ARHGAP24: variants seen among roughly 807,000 people sequenced by gnomAD.
ARHGAP24 encodes Rho GTPase activating protein 24.
ARHGAP24 carries 50 observed loss-of-function variants against 76.4 expected under a neutral mutation model. The ratio of observed to expected loss-of-function variants is 0.65; its 90% confidence interval spans 0.52 to 0.83. The LOEUF is 0.83. ARHGAP24 is among the 40% of genes least tolerant of loss of function. The pLI, the probability that ARHGAP24 is intolerant of heterozygous loss-of-function variation, is 0.00. For missense variants in ARHGAP24, 930 were observed against 914.2 expected (o/e 1.02, Z -0.22); for synonymous variants, 345 against 323.3 (o/e 1.07, Z -0.72).
chr4:85,837,397 G>A (rs180838320), intron 3 of ARHGAP24, among the ~76,000 whole-genome samples: 15 of 152,234 alleles, frequency 9.9e-5, no homozygotes, highest in Admixed American at 9.2e-4. Flanking sequence ...TGAAAATGTC[G>A]TGAACTCTTG....
chr4:85,997,043 C>T (rs1039809116), intron 9 of ARHGAP24, among the ~76,000 whole-genome samples: 1 of 152,128 alleles, frequency 6.6e-6, no homozygotes, highest in Non-Finnish European at 1.5e-5. Flanking sequence ...TAGAGGTCAT[C>T]TTAATGGGCC....
chr4:85,597,435 C>T (rs993040141), intron 2 of ARHGAP24, among the ~76,000 whole-genome samples: 26 of 151,832 alleles, frequency 1.7e-4, no homozygotes, highest in African/African-American at 5.3e-4. Flanking sequence ...CCTAGAGGGA[C>T]GGATGGGGAA....
At chr4:85,900,779 A>G (rs1734449335) in intron 3 of ARHGAP24, among the ~76,000 whole-genome samples, 2 of 152,304 alleles carry the variant, frequency 1.3e-5, no homozygotes, top group South Asian at 2.1e-4. Flanking sequence ...GAAATCAGAA[A>G]TGTTGAAACT....
chr4:85,577,024 G>A (rs963697653), intron 2 of ARHGAP24, among the ~76,000 whole-genome samples: 1 of 151,662 alleles, frequency 6.6e-6, no homozygotes, highest in Middle Eastern at 3.4e-3. Flanking sequence ...ATTTTGGAAA[G>A]CAATGATACA....
intron 1 of ARHGAP24, among the ~76,000 whole-genome samples, chr4:85,523,434 A>C (rs6834664): frequency 0.052 from 7,950 of 152,226 alleles, 245 homozygotes; most frequent in African/African-American, 0.074. Context: ...GATCAATTTT[A>C]GATATGATTT....
chr4:85,742,236 C>G (rs1725854489), intron 3 of ARHGAP24, among the ~76,000 whole-genome samples: 1 of 152,084 alleles, frequency 6.6e-6, no homozygotes, highest in South Asian at 2.1e-4. Flanking sequence ...TCTGCTTTCT[C>G]CCAGAAGAGA....
chr4:85,784,877 AT>A (rs1193694528), intron 3 of ARHGAP24, among the ~76,000 whole-genome samples: 1 of 151,828 alleles, frequency 6.6e-6, no homozygotes, highest in Non-Finnish European at 1.5e-5. Context: ...TCCTCTATAC[AT>A]TTGGCAATTT....
rs58504018 is a variant in ARHGAP24, at chr4:85,738,367, TTTATTATTA to T, written c.268+16424_268+16432del. On this transcript the variant is annotated intron_variant, in intron 3 of 9. Transcript: ENST00000395184. ...CTTTGGCCTAGTTTTCATTTGGGCT[TTTATTATTA>T]TTATTATTATTATTATTATTATTAT... Among the ~76,000 whole-genome samples, 594 of 144,086 alleles carry T rather than the reference TTTATTATTA, an allele frequency of 4.1e-3. 9 individuals are homozygous for T. The highest frequency in any genetic ancestry group is 0.014 in the African/African-American group (551 of 39,318). The allele number at this position is 144,086 out of a possible 152,430, so 94.5% of individuals were successfully genotyped here.
At chr4:85,555,088 C>T (rs1306975158) in intron 1 of ARHGAP24, among the ~76,000 whole-genome samples, 2 of 152,204 alleles carry the variant, frequency 1.3e-5, no homozygotes, top group Non-Finnish European at 2.9e-5. Flanking sequence ...TCTTGATGCT[C>T]TTCGTTCCTA....
intron 8 of ARHGAP24, 74 bp from the exon 9 acceptor site, chr4:85,994,509 T>G: frequency 2.1e-6 from 3 of 1,402,146 alleles, no homozygotes; most frequent in Middle Eastern, 3.5e-4. Context: ...ATGTGTTTCT[T>G]TAAGAGTCAC....
rs1435865202 is a variant in ARHGAP24 at position 85,505,452 on chromosome 4, TC to T, written c.-21+29894del. On this transcript the variant is annotated intron_variant, in intron 1 of 9. Transcript: ENST00000395184. ...CTCTTTTTTCTCTAAACTTGTCTTC[TC>T]ACTTTATTTTATTAACTTGATCTTC... 3.9e-5 allele frequency among the ~76,000 whole-genome samples: 6 copies of T among 152,336 alleles called. No individual in the cohort carries two copies. In the East Asian group the frequency reaches 1.2e-3, roughly 29 times the overall value.
intron 3 of ARHGAP24, among the ~76,000 whole-genome samples, chr4:85,744,693 CCTGA>C (rs113945155): frequency 0.075 from 11,416 of 152,186 alleles, 488 homozygotes; most frequent in Middle Eastern, 0.1. Flanking sequence ...CTGTGACATT[CCTGA>C]CTGACAGGAC....
At chr4:85,815,110 G>T (rs1729181258) in intron 3 of ARHGAP24, among the ~76,000 whole-genome samples, 1 of 152,118 alleles carries the variant, frequency 6.6e-6, no homozygotes, top group Non-Finnish European at 1.5e-5. Flanking sequence ...AAGTTCCTGG[G>T]CTGCACACAG....
At position 85,977,550 on chromosome 4, in the gene ARHGAP24, C is replaced by T. The variant is rs760323854; in HGVS notation, c.807-20C>T. The T allele has an allele frequency of 6.2e-7, 1 of 1,611,354 alleles. No homozygotes were observed. Among genetic ancestry groups the T allele is most frequent in the South Asian group, 1.1e-5 (1 of 90,744 alleles). On this transcript the variant is annotated intron_variant, in intron 7 of 9. Transcript: ENST00000395184. ...AAATTTGATCCCATTGTATTTCAAT[C>T]ATATGCTTATACTCCATAGATTCTT... is the stretch of plus-strand genomic sequence containing the variant.
chr4:85,555,238 T>C (rs907550213), intron 1 of ARHGAP24, among the ~76,000 whole-genome samples: 1 of 152,226 alleles, frequency 6.6e-6, no homozygotes, highest in African/African-American at 2.4e-5. Flanking sequence ...TGGTTCTTTC[T>C]CATCTGTGTG....
At chr4:85,850,578 G>A (rs1193596941) in intron 3 of ARHGAP24, among the ~76,000 whole-genome samples, 2 of 152,034 alleles carry the variant, frequency 1.3e-5, no homozygotes, top group South Asian at 2.1e-4. Context: ...TTTCTCTTGT[G>A]GGCATTTAGT....
rs368068261 is a variant in ARHGAP24 at position 85,946,904 on chromosome 4, C to T, written c.599+4631C>T. 9.2e-5 allele frequency among the ~76,000 whole-genome samples: 14 copies of T among 152,306 alleles called. No homozygotes were observed. In the East Asian group the frequency reaches 1.4e-3, roughly 15 times the overall value. On this transcript the variant is annotated intron_variant, in intron 5 of 9. Coordinates refer to ENST00000395184, the MANE Select transcript of ARHGAP24 (RefSeq NM_001025616.3). ...AACTCTCACTTCCTTGAGAAATCTC[C>T]AAATTGCTCTCCACAGTGGCTGAAC...
intron 8 of ARHGAP24, among the ~76,000 whole-genome samples, chr4:85,993,923 T>C (rs1018672978): frequency 6.6e-6 from 1 of 152,182 alleles, no homozygotes; most frequent in Non-Finnish European, 1.5e-5. Context: ...ATTCTGGAGA[T>C]TTTTGCTAGT....
intron 2 of ARHGAP24, among the ~76,000 whole-genome samples, chr4:85,647,551 A>G (rs1560568135): frequency 6.6e-6 from 1 of 152,122 alleles, no homozygotes; most frequent in Non-Finnish European, 1.5e-5. Context: ...CTTACTTGTT[A>G]CCTCATTATT....
Sources: allele counts gnomAD v4.1 joint callset (sites outside exome capture counted in the v4.1 genomes callset), GRCh38; gene constraint gnomAD v4.1.1; transcripts MANE v1.5; gene names NCBI Gene and HGNC (gene_info 2026-07-23, HGNC 2026-07-21).